The following ZNF517 variants were observed in gnomAD, a reference collection of about 807,000 sequenced individuals.
ZNF517 encodes zinc finger protein 517.
Under a neutral mutation model 12.1 loss-of-function variants are expected in ZNF517, and 12 were observed. That is an observed-to-expected ratio of 0.99 (90% confidence interval 0.63 to 1.61). The LOEUF (loss-of-function observed/expected upper bound fraction) is 1.61. Ranked by LOEUF, ZNF517 falls within the 40% of genes most tolerant of loss-of-function variation. ZNF517 has a pLI of 0.00. For synonymous variants in ZNF517, 388 were observed against 310.2 expected (o/e 1.25, Z -2.63); for missense variants, 781 against 693.2 (o/e 1.13, Z -1.42).
Position 144,803,753 on chromosome 8 carries a change from A to C in ZNF517, c.146A>C (p.Asn49Thr). The change falls in exon 3 of 5, where the codon AAC becomes ACC. Residue 49 changes from asparagine (N) to threonine (T), a missense_variant. Transcript: ENST00000359971. ...YRDVMLENYGNLASLGFLVAK... is the reference protein window; with the variant it reads ...YRDVMLENYGTLASLGFLVAK... Reference sequence around the variant, plus strand: ...GACGTGATGCTGGAGAACTATGGGAACCTGGCCTCACTAGGTGAGGGCTTC... The same window carrying C: ...GACGTGATGCTGGAGAACTATGGGACCCTGGCCTCACTAGGTGAGGGCTTC... 6.2e-7 allele frequency: 1 copy of C among 1,614,010 alleles called. No homozygotes were observed. Among genetic ancestry groups the C allele is most frequent in the Non-Finnish European group, 8.5e-7 (1 of 1,179,914 alleles).
At position 144,807,765 on chromosome 8, in the gene ZNF517, C is replaced by T; in HGVS notation, c.849C>T (p.His283=). 1.2e-6 allele frequency: 2 copies of T among 1,612,444 alleles called. No individual in the cohort carries two copies. The highest frequency in any genetic ancestry group is 8.5e-7 in the Non-Finnish European group (1 of 1,179,588). ...SSRLLQHQKF[H]TGEKPFACTE... ...GGCTGCTGCAGCACCAGAAGTTCCA[C>T]ACCGGGGAGAAGCCCTTCGCGTGCA... The change falls in exon 5 of 5, where the codon CAC becomes CAT. Residue 283 remains histidine (H), a synonymous_variant. Transcript: ENST00000359971.
chr8:144,803,983 C>G, intron 3 of ZNF517, 142 bp from the exon 4 acceptor site: 1 of 1,062,610 alleles, frequency 9.4e-7, no homozygotes, highest in African/African-American at 1.6e-5. Context: ...CTCCCCCTGG[C>G]CACCTAGCTG....
chr8:144,803,121 C>A, intron 2 of ZNF517, 174 bp downstream of exon 2: 1 of 792,190 alleles, frequency 1.3e-6, no homozygotes, highest in Non-Finnish European at 1.9e-6. Flanking sequence ...CATGGCTCTG[C>A]CAAATCCTTC....
Position 144,803,750 on chromosome 8 carries a change from G to C in ZNF517, c.143G>C (p.Gly48Ala). The C allele has an allele frequency of 6.2e-7, 1 of 1,614,126 alleles. No homozygotes were observed. Among genetic ancestry groups the C allele is most frequent in the Non-Finnish European group, 8.5e-7 (1 of 1,179,960 alleles). ...AGGGACGTGATGCTGGAGAACTATG[G>C]GAACCTGGCCTCACTAGGTGAGGGC... ...LYRDVMLENY[G>A]NLASLGFLVA... The change falls in exon 3 of 5, where the codon GGG becomes GCG. Residue 48 changes from glycine (G) to alanine (A), a missense_variant. Physicochemically the swap from Gly to Ala is moderately conservative, Grantham distance 60. Transcript: ENST00000359971.
chr8:144,802,427 CA>C (rs1434616341), intron 1 of ZNF517, among the ~76,000 whole-genome samples: 1 of 152,240 alleles, frequency 6.6e-6, no homozygotes, highest in Non-Finnish European at 1.5e-5. Context: ...TTGTTCATTT[CA>C]TAAATCCTTT....
downstream of ZNF517, among the ~76,000 whole-genome samples, chr8:144,813,154 A>G (rs1476067396): frequency 6.6e-6 from 1 of 151,988 alleles, no homozygotes; most frequent in Non-Finnish European, 1.5e-5. Flanking sequence ...ATCTCTACTA[A>G]AAATACAAAA....
intron 1 of ZNF517, among the ~76,000 whole-genome samples, chr8:144,801,908 C>G (rs1033435103): frequency 5.9e-5 from 9 of 152,038 alleles, no homozygotes; most frequent in Non-Finnish European, 8.8e-5. Flanking sequence ...TGGCATGCGC[C>G]TGTAGTTCCA....
intron 2 of ZNF517, 70 bp from the exon 3 acceptor site, chr8:144,803,571 C>A: frequency 6.3e-7 from 1 of 1,590,180 alleles, no homozygotes; most frequent in South Asian, 1.1e-5. Flanking sequence ...GCAGATCATG[C>A]AAATGTTTCT....
downstream of ZNF517, chr8:144,810,162 G>A: frequency 1.4e-6 from 1 of 698,374 alleles, no homozygotes; most frequent in Non-Finnish European, 2.6e-6. Flanking sequence ...CAGCTCAGAA[G>A]GTGGGCCAGG....
chr8:144,803,805 G>A (rs1398394245), intron 3 of ZNF517, 38 bp downstream of exon 3: 1 of 1,604,306 alleles, frequency 6.2e-7, no homozygotes, highest in Non-Finnish European at 8.5e-7. Flanking sequence ...GCCGGGAGGT[G>A]CGTCTGTGTT....
downstream of ZNF517, chr8:144,810,472 C>G: frequency 2.5e-6 from 1 of 405,292 alleles, no homozygotes; most frequent in Admixed American, 4.2e-5. Flanking sequence ...CTCCAGAGAA[C>G]AAGAATCCTG....
chr8:144,805,990 C>CAGAG (rs1827209242), intron 4 of ZNF517, among the ~76,000 whole-genome samples: 1 of 150,074 alleles, frequency 6.7e-6, no homozygotes, highest in Admixed American at 6.6e-5. Context: ...ATTCATATAT[C>CAGAG]ATCATATCTA....
chr8:144,801,781 C>A (rs1277858779), intron 1 of ZNF517, among the ~76,000 whole-genome samples: 2 of 152,152 alleles, frequency 1.3e-5, no homozygotes, highest in Admixed American at 6.6e-5. Context: ...CCTGTAATCC[C>A]AGCACTTTGG....
chr8:144,801,511 T>C (rs1320914011), intron 1 of ZNF517, among the ~76,000 whole-genome samples: 1 of 151,998 alleles, frequency 6.6e-6, no homozygotes, highest in African/African-American at 2.4e-5. Flanking sequence ...GGAGTCTCAC[T>C]CTGTCACCCA....
At chr8:144,804,321 A>G in intron 4 of ZNF517, 83 bp downstream of exon 4, 1 of 975,200 alleles carries the variant, frequency 1.0e-6, no homozygotes. Context: ...CCCTTCTTCT[A>G]CAGTGGGAGG....
At chr8:144,804,407 A>G (rs943319579) in intron 4 of ZNF517, among the ~76,000 whole-genome samples, 169 bp downstream of exon 4, 1 of 152,142 alleles carries the variant, frequency 6.6e-6, no homozygotes, top group African/African-American at 2.4e-5. Flanking sequence ...GGTCAAAACT[A>G]ACTTATGCAG....
rs770450326 is a variant in ZNF517, at chr8:144,803,633, G to C, written c.34-8G>C. On this transcript the variant is annotated splice_region_variant and splice_polypyrimidine_tract_variant and intron_variant, in intron 2 of 4. Transcript: ENST00000359971. ...TGACTGCCTGGATAGCAGAGTATGT[G>C]GTTGCAGGAGGCGGTTGTGTTCGAG... The C allele has an allele frequency of 5.0e-6, 8 of 1,613,866 alleles. No individual in the cohort carries two copies. The highest frequency in any genetic ancestry group is 1.6e-4 in the Middle Eastern group (1 of 6,084).
At position 144,808,176 on chromosome 8, in the gene ZNF517, G is replaced by A; in HGVS notation, c.1260G>A (p.Lys420=). 1 of 1,609,828 alleles carries A rather than the reference G, an allele frequency of 6.2e-7. No individual in the cohort carries two copies. Among genetic ancestry groups the A allele is most frequent in the Non-Finnish European group, 8.5e-7 (1 of 1,178,398 alleles). Residue 420 remains lysine (K), a synonymous_variant, in exon 5 of 5, where the codon AAG becomes AAA. Coordinates refer to ENST00000359971, the MANE Select transcript of ZNF517 (RefSeq NM_213605.3). ...NLTLHQKIHT[K]EKPFACTECG... is the part of the protein sequence containing the mutation. Reference sequence around the variant, plus strand: ...CTCTGCACCAGAAGATCCACACCAAGGAGAAGCCCTTCGCGTGCACCGAGT... The same window carrying A: ...CTCTGCACCAGAAGATCCACACCAAAGAGAAGCCCTTCGCGTGCACCGAGT...
At chr8:144,800,768 A>T (rs1826921025) in intron 1 of ZNF517, 4 of 880,664 alleles carry the variant, frequency 4.5e-6, no homozygotes, top group Non-Finnish European at 4.1e-6. Flanking sequence ...CTAACATGTC[A>T]AAAGGGCTCT....
Sources: gnomAD v4.1 joint callset for allele counts (sites outside exome capture counted in the v4.1 genomes callset) on GRCh38, gnomAD v4.1.1 for gene constraint, MANE v1.5 for transcripts, NCBI Gene and HGNC (gene_info 2026-07-23, HGNC 2026-07-21) for gene names.